SEC14L5: variants seen among roughly 807,000 people sequenced by gnomAD.
SEC14L5 encodes the protein SEC14-like protein 5.
SEC14L5 carries 96 observed loss-of-function variants against 84.6 expected under a neutral mutation model. The observed-to-expected ratio is 1.13, with a 90% CI of 0.96 to 1.34. The LOEUF (loss-of-function observed/expected upper bound fraction) is 1.34. Among genes scored for constraint, SEC14L5 ranks in the 40% most tolerant of loss-of-function variants. SEC14L5 has a pLI of 0.00. For missense variants in SEC14L5, 1,224 were observed against 942.5 expected (o/e 1.30, Z -3.91); for synonymous variants, 546 against 383.4 (o/e 1.42, Z -4.95).
In SEC14L5 at chr16:5,018,989, C is replaced by T. The variant is rs902078944; in HGVS notation, c.*4019C>T. On this transcript the variant is annotated 3_prime_UTR_variant, in exon 16 of 16. Coordinates refer to ENST00000251170, the MANE Select transcript of SEC14L5 (RefSeq NM_014692.2). ...CATTTGGATAAACTTGCATCGTCAG[C>T]TTCCTAAAACCCTGGAGGTTTCCCG... 3 of 152,200 alleles carry T rather than the reference C, an allele frequency of 2.0e-5. No homozygotes were observed. Among genetic ancestry groups the T allele is most frequent in the African/African-American group, 7.2e-5 (3 of 41,440 alleles). 9.4% of individuals were successfully genotyped at this position (152,200 alleles called of 1,614,324 possible).
At chr16:5,001,643 C>A (rs1431886541) in intron 10 of SEC14L5, among the ~76,000 whole-genome samples, 1 of 152,164 alleles carries the variant, frequency 6.6e-6, no homozygotes, top group Admixed American at 6.6e-5. Flanking sequence ...GTGTCCTCTG[C>A]AGGAACCCAC....
intron 2 of SEC14L5, among the ~76,000 whole-genome samples, chr16:4,964,694 C>A (rs1444283609): frequency 1.3e-5 from 2 of 152,138 alleles, no homozygotes; most frequent in Admixed American, 1.3e-4. Flanking sequence ...CTTCGGCCTC[C>A]CAAAATGCTG....
chr16:4,987,969 G>A (rs1248070957), intron 3 of SEC14L5, among the ~76,000 whole-genome samples, 180 bp from the exon 4 acceptor site: 1 of 152,018 alleles, frequency 6.6e-6, no homozygotes, highest in Non-Finnish European at 1.5e-5. Flanking sequence ...GTGAAGATGG[G>A]TTGGCGGCAG....
intron 2 of SEC14L5, among the ~76,000 whole-genome samples, chr16:4,984,637 A>G (rs749617455): frequency 6.6e-5 from 10 of 152,208 alleles, no homozygotes; most frequent in Non-Finnish European, 1.5e-4. Context: ...GTTGTATCAT[A>G]TTACATACAC....
At chr16:4,964,552 C>A (rs1174924270) in intron 2 of SEC14L5, among the ~76,000 whole-genome samples, 1 of 152,040 alleles carries the variant, frequency 6.6e-6, no homozygotes, top group Admixed American at 6.6e-5. Context: ...CCATTGCACT[C>A]CAGCCTGGGT....
intron 12 of SEC14L5, among the ~76,000 whole-genome samples, chr16:5,006,583 T>A (rs1955734544): frequency 6.6e-6 from 1 of 152,148 alleles, no homozygotes; most frequent in African/African-American, 2.4e-5. Flanking sequence ...GTCACAACTC[T>A]GTCATCTCAT....
intron 8 of SEC14L5, among the ~76,000 whole-genome samples, chr16:4,999,334 G>T (rs936486519): frequency 6.6e-6 from 1 of 152,210 alleles, no homozygotes; most frequent in Admixed American, 6.5e-5. Context: ...GCCGGGCGCA[G>T]TGGCTCACAC....
At chr16:4,988,318 C>T (rs1334299988) in intron 4 of SEC14L5, 38 bp downstream of exon 4, 1 of 1,603,696 alleles carries the variant, frequency 6.2e-7, no homozygotes, top group Admixed American at 1.7e-5. Context: ...CGCCCGGCAC[C>T]CACCTGCGCC....
intron 8 of SEC14L5, among the ~76,000 whole-genome samples, chr16:4,998,094 C>A (rs908183742): frequency 1.3e-5 from 2 of 151,472 alleles, no homozygotes; most frequent in Non-Finnish European, 2.9e-5. Context: ...ACTCCGCCCC[C>A]CGCCAGGTTC....
chr16:4,961,980 A>G (rs1955127226), intron 2 of SEC14L5, among the ~76,000 whole-genome samples: 1 of 152,002 alleles, frequency 6.6e-6, no homozygotes. Context: ...GTGCGAGGCA[A>G]ACAGACACAC....
At chr16:4,973,007 C>T (rs1395289217) in intron 2 of SEC14L5, among the ~76,000 whole-genome samples, 1 of 152,206 alleles carries the variant, frequency 6.6e-6, no homozygotes, top group African/African-American at 2.4e-5. Flanking sequence ...TTTTGCAAAG[C>T]ACTGCAAATT....
rs761672407 is a variant in SEC14L5, at chr16:5,003,483, G to A, written c.1212G>A (p.Met404Ile). 6.2e-6 allele frequency: 10 copies of A among 1,613,080 alleles called. No individual in the cohort carries two copies. Among genetic ancestry groups the A allele is most frequent in the Non-Finnish European group, 7.6e-6 (9 of 1,179,580 alleles). The change falls in exon 11 of 16, where the codon ATG (methionine) becomes ATA (isoleucine). Residue 404 changes from methionine (M) to isoleucine (I), a missense_variant. Met to Ile is a conservative substitution (Grantham distance 10). Coordinates refer to ENST00000251170, the MANE Select transcript of SEC14L5 (RefSeq NM_014692.2). The stretch of plus-strand genomic sequence containing the variant: ...CGGGGGTGAAGGCCCTGCTGCGGAT[G>A]ATTGAGGTGGTTGAGGACAATTACC... ...WRPGVKALLR[M>I]IEVVEDNYPE...
At chr16:4,981,554 G>A (rs1955424280) in intron 2 of SEC14L5, among the ~76,000 whole-genome samples, 2 of 152,114 alleles carry the variant, frequency 1.3e-5, no homozygotes, top group African/African-American at 4.8e-5. Context: ...ACAGAGGGTG[G>A]AAAAGGGAGG....
chr16:4,965,096 T>C (rs1416567516), intron 2 of SEC14L5, among the ~76,000 whole-genome samples: 1 of 152,202 alleles, frequency 6.6e-6, no homozygotes, highest in African/African-American at 2.4e-5. Context: ...GCTATATGTC[T>C]TTAACGTATA....
rs369420553 is a variant in SEC14L5 at position 5,014,910 on chromosome 16, C to T, written c.2031C>T (p.Ser677=). The T allele has an allele frequency of 1.0e-4, 161 of 1,613,470 alleles. No individual in the cohort carries two copies. The African/African-American group carries it at 1.5e-3, about 15-fold the overall frequency. Residue 677 remains serine, a synonymous_variant, in exon 16 of 16, where the codon AGC becomes AGT. Transcript: ENST00000251170. ...ESCTSGFSQL[S]AATSSSSSGQ... ...GCACCAGCGGCTTCTCCCAGCTCAG[C>T]GCCGCCACCTCGTCCTCCTCCTCCG...
At chr16:4,988,668 A>T (rs1016937766) in intron 4 of SEC14L5, among the ~76,000 whole-genome samples, 8 of 152,156 alleles carry the variant, frequency 5.3e-5, no homozygotes, top group African/African-American at 1.9e-4. Context: ...AATGGGCTTA[A>T]TAATCATGCC....
At chr16:4,959,744 G>A (rs1955096206) in intron 2 of SEC14L5, among the ~76,000 whole-genome samples, 1 of 152,196 alleles carries the variant, frequency 6.6e-6, no homozygotes, top group Non-Finnish European at 1.5e-5. Flanking sequence ...GACAACAGCT[G>A]TTTATTGAAT....
At chr16:4,992,136 CT>C (rs1318570464) in intron 6 of SEC14L5, 106 bp downstream of exon 6, 59 of 764,592 alleles carry the variant, frequency 7.7e-5, no homozygotes, top group Middle Eastern at 3.9e-4. Context: ...GCCGTCCCCC[CT>C]GGGAATGGGT....
rs752271608 is a variant in SEC14L5, at chr16:5,006,093, G to A, written c.1437+45G>A. 1.1e-5 allele frequency: 17 copies of A among 1,600,620 alleles called. No individual in the cohort carries two copies. The Admixed American group carries it at 1.2e-4, about 11-fold the overall frequency. On this transcript the variant is annotated intron_variant, in intron 12 of 15. Transcript: ENST00000251170. The stretch of plus-strand genomic sequence containing the variant: ...AGACAGACCTGGGCTTGAGGAGGGG[G>A]CATGCCTAGCTGGGAGGCTGGGATT...
Sources: gnomAD v4.1 joint callset for allele counts (sites outside exome capture counted in the v4.1 genomes callset) on GRCh38, gnomAD v4.1.1 for gene constraint, MANE v1.5 for transcripts, NCBI Gene and HGNC (gene_info 2026-07-23, HGNC 2026-07-21) for gene names.